CALN1: variants seen among roughly 807,000 people sequenced by gnomAD.
CALN1 encodes the protein calcium-binding protein 8.
In CALN1, 17 loss-of-function variants were observed where a neutral mutation model predicts 30.6. That is an observed-to-expected ratio of 0.56 (90% CI 0.38 to 0.83). CALN1 has a LOEUF of 0.83. Among genes scored for constraint, CALN1 ranks in the 40% least tolerant of loss-of-function variants. The probability of loss-of-function intolerance (pLI) is 0.00; values close to 1 mark genes in which losing one functional copy is unlikely to be tolerated. For synonymous variants in CALN1, 156 were observed against 131.4 expected (o/e 1.19, Z -1.28); for missense variants, 291 against 354.9 (o/e 0.82, Z 1.45).
chr7:72,188,551 G>A (rs544927378), intron 3 of CALN1, among the ~76,000 whole-genome samples: 11 of 151,876 alleles, frequency 7.2e-5, no homozygotes, highest in African/African-American at 2.7e-4. Context: ...GAACTTGGGG[G>A]AAAGGGTGGG....
intron 5 of CALN1, among the ~76,000 whole-genome samples, chr7:72,018,802 C>T (rs369970433): frequency 3.0e-4 from 45 of 152,160 alleles, no homozygotes; most frequent in African/African-American, 1.0e-3. Context: ...TAGGCTAGAA[C>T]ACCAGTAAGG....
intron 3 of CALN1, among the ~76,000 whole-genome samples, chr7:72,254,194 T>A (rs1270518991): frequency 6.6e-6 from 1 of 152,144 alleles, no homozygotes; most frequent in Non-Finnish European, 1.5e-5. Context: ...GTCTCTCTTG[T>A]GTAGTGCACT....
chr7:72,216,984 T>C (rs1457764638), intron 3 of CALN1, among the ~76,000 whole-genome samples: 1 of 152,044 alleles, frequency 6.6e-6, no homozygotes, highest in African/African-American at 2.4e-5. Context: ...GCTCAAGTGA[T>C]CCTCTCACCT....
At chr7:72,478,320 T>C in the CALN1 span, among the ~76,000 whole-genome samples, 1 of 147,588 alleles carries the variant, frequency 6.8e-6, no homozygotes, top group Non-Finnish European at 1.5e-5. Flanking sequence ...TGCAAATATA[T>C]TTATATTATA....
At chr7:71,942,640 G>T (rs1238548609) in intron 5 of CALN1, among the ~76,000 whole-genome samples, 11 of 152,148 alleles carry the variant, frequency 7.2e-5, no homozygotes, top group Admixed American at 7.2e-4. Context: ...GAGATGGATG[G>T]ATGTGATGGA....
chr7:71,930,613 G>A (rs1214151566), intron 5 of CALN1, among the ~76,000 whole-genome samples: 2 of 152,096 alleles, frequency 1.3e-5, no homozygotes, highest in African/African-American at 4.8e-5. Flanking sequence ...GGTCCCTTGT[G>A]CTTTATGAAC....
intron 2 of CALN1, among the ~76,000 whole-genome samples, chr7:72,324,880 AG>A (rs1466276856): frequency 1.3e-5 from 2 of 152,080 alleles, no homozygotes; most frequent in Non-Finnish European, 2.9e-5. Context: ...CACTGCTCTC[AG>A]TCTCAAATTT....
chr7:72,087,373 C>G (rs957970718), intron 4 of CALN1, among the ~76,000 whole-genome samples: 3 of 151,996 alleles, frequency 2.0e-5, no homozygotes, highest in Non-Finnish European at 4.4e-5. Context: ...CTCTACTAAA[C>G]GTACAAAAAT....
At chr7:72,180,935 TAAAAATACA>T (rs1167041678) in intron 3 of CALN1, among the ~76,000 whole-genome samples, 2 of 151,922 alleles carry the variant, frequency 1.3e-5, no homozygotes, top group Non-Finnish European at 1.5e-5. Context: ...CCATCTCTTC[TAAAAATACA>T]AAAAATTATC....
At chr7:72,193,326 C>A (rs1168975786) in intron 3 of CALN1, among the ~76,000 whole-genome samples, 2 of 152,116 alleles carry the variant, frequency 1.3e-5, no homozygotes, top group African/African-American at 4.8e-5. Flanking sequence ...GATTGTACCA[C>A]TGTACTCCAG....
intron 3 of CALN1, among the ~76,000 whole-genome samples, chr7:72,175,542 T>G (rs1430713798): frequency 1.3e-5 from 2 of 152,102 alleles, no homozygotes. Flanking sequence ...GATATACTGG[T>G]GGCATTTGGA....
At chr7:71,788,653 C>T (rs1793128858) in intron 6 of CALN1, among the ~76,000 whole-genome samples, 1 of 150,496 alleles carries the variant, frequency 6.6e-6, no homozygotes, top group Admixed American at 6.6e-5. Context: ...TGCCACCGTG[C>T]CTAATTATTA....
In CALN1 at chr7:72,023,585, G is replaced by A. The variant is rs190377674; in HGVS notation, c.501+72C>T. On this transcript the variant is annotated intron_variant, in intron 5 of 6. Transcript: ENST00000395275. ...CTTCACGTGCCAAATAGAAGTTCAA[G>A]AATTCAGTCAAAAGTTAGTCTCAGA... The A allele has an allele frequency of 9.7e-6, 11 of 1,130,516 alleles. No individual in the cohort carries two copies. The Admixed American group carries it at 2.0e-4, about 21-fold the overall frequency. The allele number at this position is 1,130,516 out of a possible 1,614,324, so 70.0% of individuals were successfully genotyped here. A position where few individuals can be genotyped will look rare whatever the true frequency, so the allele number is the denominator to read the frequency against.
intron 4 of CALN1, among the ~76,000 whole-genome samples, chr7:72,102,801 G>A (rs1389831959): frequency 1.3e-5 from 2 of 152,120 alleles, no homozygotes; most frequent in Admixed American, 6.6e-5. Context: ...TTGTCTGGGT[G>A]TGGTGGCTCA....
intron 3 of CALN1, among the ~76,000 whole-genome samples, chr7:72,217,730 T>G (rs1035701742): frequency 6.6e-6 from 1 of 151,436 alleles, no homozygotes; most frequent in East Asian, 1.9e-4. Flanking sequence ...ATAATCCTAA[T>G]GCTATGGGAG....
At chr7:72,381,911 G>T (rs931281367) in intron 2 of CALN1, among the ~76,000 whole-genome samples, 1 of 152,164 alleles carries the variant, frequency 6.6e-6, no homozygotes, top group Non-Finnish European at 1.5e-5. Flanking sequence ...CAAACCCATA[G>T]AAGAGAGGAT....
At chr7:71,885,191 G>A (rs75686221) in intron 5 of CALN1, among the ~76,000 whole-genome samples, 19,060 of 152,020 alleles carry the variant, frequency 0.13, 1,754 homozygotes, top group East Asian at 0.43. Flanking sequence ...TTGCTCTGTC[G>A]CCCAGGCTGC....
At chr7:72,375,578 A>G (rs552630310) in intron 2 of CALN1, among the ~76,000 whole-genome samples, 3 of 151,518 alleles carry the variant, frequency 2.0e-5, no homozygotes, top group South Asian at 2.1e-4. Flanking sequence ...GAAAAAAAAA[A>G]AAAAGAAAAG....
intron 2 of CALN1, among the ~76,000 whole-genome samples, chr7:72,319,196 T>C (rs531052196): frequency 2.6e-4 from 39 of 152,340 alleles, no homozygotes; most frequent in African/African-American, 9.1e-4. Flanking sequence ...TTCTGTATTA[T>C]TTCGTTTTCA....
Sources: gnomAD v4.1 joint callset for allele counts (sites outside exome capture counted in the v4.1 genomes callset) on GRCh38, gnomAD v4.1.1 for gene constraint, MANE v1.5 for transcripts, NCBI Gene and HGNC (gene_info 2026-07-23, HGNC 2026-07-21) for gene names.